Variants in ZNF841 observed in about 807,000 individuals in gnomAD.
The protein encoded by ZNF841 is TCONS_00006091.
A neutral mutation model predicts 13.0 loss-of-function variants in ZNF841; 11 were observed. The ratio of observed to expected loss-of-function variants is 0.85; its 90% confidence interval spans 0.53 to 1.40. ZNF841 has a LOEUF of 1.40. ZNF841 is among the 40% of genes most tolerant of loss of function. The probability of loss-of-function intolerance (pLI) is 0.00; values close to 1 mark genes in which losing one functional copy is unlikely to be tolerated. For synonymous variants in ZNF841, 369 were observed against 381.6 expected (o/e 0.97, Z 0.38); for missense variants, 1,068 against 1,139.5 (o/e 0.94, Z 0.90).
intron 6 of ZNF841, among the ~76,000 whole-genome samples, chr19:52,071,451 G>C (rs904919455): frequency 9.2e-5 from 14 of 152,020 alleles, no homozygotes; most frequent in African/African-American, 3.4e-4. Context: ...GCAGAATGAG[G>C]ACCCGTAGCA....
chr19:52,090,904 G>C (rs1490138438), intron 2 of ZNF841, among the ~76,000 whole-genome samples: 1 of 152,104 alleles, frequency 6.6e-6, no homozygotes, highest in African/African-American at 2.4e-5. Flanking sequence ...CATGCTCCTT[G>C]AGGTTATCTA....
At chr19:52,064,401 T>G (rs886210141), downstream of ZNF841, 1 of 141,462 alleles carries the variant, frequency 7.1e-6, no homozygotes, top group Non-Finnish European at 1.6e-5. Context: ...TTAGCTATAT[T>G]CACTCCATGT....
At chr19:52,062,247 T>C (rs781728566), downstream of ZNF841, among the ~76,000 whole-genome samples, 55 of 152,296 alleles carry the variant, frequency 3.6e-4, no homozygotes, top group Admixed American at 6.5e-4. Flanking sequence ...TTGAGAATCT[T>C]GTCTGTATGC....
intron 4 of ZNF841, among the ~76,000 whole-genome samples, chr19:52,084,585 A>G (rs1328277625): frequency 6.6e-6 from 1 of 152,116 alleles, no homozygotes; most frequent in African/African-American, 2.4e-5. Context: ...TGCCCAGTGG[A>G]GCCTCTTCCC....
rs1324418109 is a variant in ZNF841 at position 52,066,522 on chromosome 19, C to T, written c.1360G>A (p.Glu454Lys). The change falls in exon 7 of 7, where the codon GAG becomes AAG. Residue 454 changes from glutamate (E) to lysine (K), a missense_variant. Glu to Lys is a moderately conservative substitution (Grantham distance 56). Transcript: ENST00000594440. ...LVRHQIIHTG[E>K]TPYKCNECGK... ...CATTCATTACATTTGTAAGGTGTCT[C>T]TCCAGTATGAATTATCTGGTGCCTT... The T allele has an allele frequency of 6.2e-7, 1 of 1,613,876 alleles. No individual in the cohort carries two copies. Among genetic ancestry groups the T allele is most frequent in the Non-Finnish European group, 8.5e-7 (1 of 1,179,890 alleles).
At position 52,065,643 on chromosome 19, in the gene ZNF841, TAA is replaced by T; in HGVS notation, c.2237_2238del (p.Phe746Ter). On this transcript the variant is annotated frameshift_variant, in exon 7 of 7. Coordinates refer to ENST00000594440, the MANE Select transcript of ZNF841 (RefSeq NM_001136499.2). LOFTEE classifies it low-confidence loss of function (END_TRUNC). ...PYKCIECGKV[F>X]NSTTTLARHR... The stretch of plus-strand genomic sequence containing the variant: ...TGCCTTGCCAGGGTTGTAGTGGAGT[TAA>T]AGACTTTCCCACATTCAATACATTT... The T allele has an allele frequency of 1.2e-6, 2 of 1,607,852 alleles. No individual in the cohort carries two copies. Among genetic ancestry groups the T allele is most frequent in the Non-Finnish European group, 1.7e-6 (2 of 1,176,802 alleles).
intron 3 of ZNF841, among the ~76,000 whole-genome samples, chr19:52,088,105 C>G (rs1169490152): frequency 6.6e-6 from 1 of 151,252 alleles, no homozygotes; most frequent in African/African-American, 2.4e-5. Context: ...GATAATACTT[C>G]GGTAAGTTGC....
chr19:52,069,418 A>G (rs1294317033), intron 6 of ZNF841, among the ~76,000 whole-genome samples: 1 of 152,216 alleles, frequency 6.6e-6, no homozygotes, highest in East Asian at 1.9e-4. Flanking sequence ...CACAAAATAT[A>G]TATGATACAG....
chr19:52,088,053 AAAAC>A (rs1196807898), intron 3 of ZNF841, among the ~76,000 whole-genome samples: 1 of 149,358 alleles, frequency 6.7e-6, no homozygotes, highest in African/African-American at 2.6e-5. Context: ...AAAAAAAAAA[AAAAC>A]AAAGGTAGCC....
chr19:52,065,583 A>T lies in ZNF841; in HGVS notation c.2299T>A (p.Cys767Ser), dbSNP rs774567597. Residue 767 changes from cysteine (C) to serine (S), a missense_variant, in exon 7 of 7, where the codon TGT becomes AGT. Physicochemically the swap from Cys to Ser is moderately radical, Grantham distance 112. Transcript: ENST00000594440. The part of the protein sequence containing the change: ...RIHTGEKPYK[C>S]NECGKVFRYR... The stretch of plus-strand genomic sequence containing the variant: ...CGGAAGACCTTGCCACATTCATTAC[A>T]TTTGTAAGGTTTCTCTCCAGTATGA... 2 of 1,613,900 alleles carry T rather than the reference A, an allele frequency of 1.2e-6. No individual in the cohort carries two copies. The highest frequency in any genetic ancestry group is 1.7e-6 in the Non-Finnish European group (2 of 1,179,894).
At position 52,066,501 on chromosome 19, in the gene ZNF841, C is replaced by G. The variant is rs766249392; in HGVS notation, c.1381G>C (p.Glu461Gln). The change falls in exon 7 of 7, where the codon GAA (glutamate) becomes CAA (glutamine). Residue 461 changes from glutamate (E) to glutamine (Q), a missense_variant. Transcript: ENST00000594440. ...HTGETPYKCN[E>Q]CGKVFFQRSR... ...CGTTGAAAGAAGACCTTGCCACATT[C>G]ATTACATTTGTAAGGTGTCTCTCCA... is the stretch of plus-strand genomic sequence containing the variant. The G allele has an allele frequency of 6.2e-7, 1 of 1,613,998 alleles. No homozygotes were observed. The highest frequency in any genetic ancestry group is 2.2e-5 in the East Asian group (1 of 44,844).
chr19:52,069,355 A>G lies in ZNF841; in HGVS notation c.272-1745T>C, dbSNP rs967211725. 2.0e-5 allele frequency among the ~76,000 whole-genome samples: 3 copies of G among 152,200 alleles called. No individual in the cohort carries two copies. In the East Asian group the frequency reaches 5.8e-4, roughly 29 times the overall value. ...CTCCCAAAGTGCTGGGATTATAGGC[A>G]TGAGCCACCGTGCCCAGTCCTATTC... On this transcript the variant is annotated intron_variant, in intron 6 of 6. Coordinates refer to ENST00000594440, the MANE Select transcript of ZNF841 (RefSeq NM_001136499.2).
intron 6 of ZNF841, among the ~76,000 whole-genome samples, chr19:52,073,584 C>A (rs1365104541): frequency 7.9e-5 from 12 of 152,292 alleles, no homozygotes; most frequent in Non-Finnish European, 1.2e-4. Flanking sequence ...GCTGGGATTA[C>A]AGGCATGAGC....
the ZNF841 span, chr19:52,058,801 A>G: frequency 6.5e-6 from 1 of 153,308 alleles, no homozygotes; most frequent in Admixed American, 6.5e-5. Flanking sequence ...ATGGCATTCT[A>G]TAATTTCTCA....
chr19:52,065,387 T>G lies in ZNF841; in HGVS notation c.2495A>C (p.Glu832Ala), dbSNP rs1270619953. ...CTGATGGTAAACCAAGTTTGACCTTTCGATAAAAGCTTTACCACATTCATT... is the reference window on the plus strand; with the variant it reads ...CTGATGGTAAACCAAGTTTGACCTTGCGATAAAAGCTTTACCACATTCATT... ...KCNECGKAFIERSNLVYHQRN... is the reference protein window; with the variant it reads ...KCNECGKAFIARSNLVYHQRN... The change falls in exon 7 of 7, where the codon GAA becomes GCA. Residue 832 changes from glutamate to alanine, a missense_variant. Coordinates refer to ENST00000594440, the MANE Select transcript of ZNF841 (RefSeq NM_001136499.2). 1.2e-6 allele frequency: 2 copies of G among 1,608,994 alleles called. No individual in the cohort carries two copies. The highest frequency in any genetic ancestry group is 1.7e-6 in the Non-Finnish European group (2 of 1,177,240).
At chr19:52,091,773 CAATGATTTTTTTGGA>C (rs2088505559) in intron 2 of ZNF841, among the ~76,000 whole-genome samples, 1 of 152,136 alleles carries the variant, frequency 6.6e-6, no homozygotes, top group Non-Finnish European at 1.5e-5. Context: ...TTGATCTTGG[CAATGATTTTTTTGGA>C]TATGACACCA....
chr19:52,091,681 A>T (rs1242005299), intron 2 of ZNF841, among the ~76,000 whole-genome samples: 1 of 152,194 alleles, frequency 6.6e-6, no homozygotes, highest in Admixed American at 6.6e-5. Context: ...ATATGCAAAG[A>T]TAAACTCAAA....
chr19:52,084,259 T>C (rs1212021656), intron 4 of ZNF841, among the ~76,000 whole-genome samples: 1 of 152,184 alleles, frequency 6.6e-6, no homozygotes, highest in Admixed American at 6.5e-5. Context: ...CTGATGTCTG[T>C]ACCTAGTTTT....
At chr19:52,089,877 C>T (rs1406009254) in intron 2 of ZNF841, among the ~76,000 whole-genome samples, 1 of 152,138 alleles carries the variant, frequency 6.6e-6, no homozygotes, top group Non-Finnish European at 1.5e-5. Flanking sequence ...ACCTCTCCTC[C>T]ATGCATGCAT....
Sources: allele counts gnomAD v4.1 joint callset (sites outside exome capture counted in the v4.1 genomes callset), GRCh38; gene constraint gnomAD v4.1.1; transcripts MANE v1.5; gene names NCBI Gene and HGNC (gene_info 2026-07-23, HGNC 2026-07-21).